CD46: variants seen among roughly 807,000 people sequenced by gnomAD.
CD46 encodes CD46 molecule, also known as membrane cofactor protein.
Under a neutral mutation model 53.3 loss-of-function variants are expected in CD46, and 30 were observed. The ratio of observed to expected loss-of-function variants is 0.56; its 90% confidence interval spans 0.42 to 0.76. The LOEUF is 0.76. CD46 is among the 30% of genes least tolerant of loss of function. CD46 has a pLI of 0.00. For missense variants in CD46, 409 were observed against 463.0 expected (o/e 0.88, Z 1.07); for synonymous variants, 142 against 152.0 (o/e 0.93, Z 0.48).
chr1:207,768,874 A>G (rs1657138020), intron 7 of CD46: 1 of 152,218 alleles, frequency 6.6e-6, no homozygotes, highest in African/African-American at 2.4e-5. Flanking sequence ...TGAAATCTCA[A>G]TCACTGGCTT....
chr1:207,785,212 G>A, intron 10 of CD46, 106 bp downstream of exon 10: 1 of 893,010 alleles, frequency 1.1e-6, no homozygotes, highest in Non-Finnish European at 1.8e-6. Flanking sequence ...CTTGTAAATT[G>A]GTTAAACCGA....
chr1:207,785,556 G>C, intron 10 of CD46, 63 bp from the exon 11 acceptor site: 1 of 1,094,592 alleles, frequency 9.1e-7, no homozygotes, highest in Non-Finnish European at 1.4e-6. Context: ...TCTTCTGCTA[G>C]ATGTTGAATC....
In CD46 at chr1:207,759,565, A is replaced by C; in HGVS notation, c.390-74A>C. ...CTGTAGTGTAGAAAAGAAACCATAT[A>C]AAAAATTCCTTCATTATTATGTGTG... On this transcript the variant is annotated intron_variant, in intron 3 of 12. Transcript: ENST00000367042. 3 of 822,738 alleles carry C rather than the reference A, an allele frequency of 3.6e-6. No homozygotes were observed. The Admixed American group carries it at 6.4e-5, about 17-fold the overall frequency. The allele number at this position is 822,738 out of a possible 1,614,324, so 51.0% of individuals were successfully genotyped here. A position where few individuals can be genotyped will look rare whatever the true frequency, so the allele number is the denominator to read the frequency against.
chr1:207,786,482 A>G (rs909424258), intron 11 of CD46, among the ~76,000 whole-genome samples: 4 of 152,212 alleles, frequency 2.6e-5, no homozygotes, highest in African/African-American at 9.6e-5. Flanking sequence ...TTAACAAAAG[A>G]CTTAGAATGA....
Position 207,770,381 on chromosome 1 carries a change from C to A in CD46, c.943+19C>A, listed in dbSNP as rs1383336315. 2 of 1,507,518 alleles carry A rather than the reference C, an allele frequency of 1.3e-6. No individual in the cohort carries two copies. The highest frequency in any genetic ancestry group is 1.1e-5 in the South Asian group (1 of 88,134). The allele number at this position is 1,507,518 out of a possible 1,614,324, so 93.4% of individuals were successfully genotyped here. On this transcript the variant is annotated intron_variant, in intron 8 of 12. Coordinates refer to ENST00000367042, the MANE Select transcript of CD46 (RefSeq NM_172351.3). ...TATCCAGGTTGGTTAACTCTTTATC[C>A]TACTGATATTGTTAAGAATTTATTT...
chr1:207,781,619 A>G (rs1658742796), intron 8 of CD46, among the ~76,000 whole-genome samples: 1 of 152,136 alleles, frequency 6.6e-6, no homozygotes, highest in Admixed American at 6.6e-5. Context: ...ATAAGGGTCC[A>G]GCTTCACTTT....
At chr1:207,785,555 A>T in intron 10 of CD46, 64 bp from the exon 11 acceptor site, 1 of 1,081,770 alleles carries the variant, frequency 9.2e-7, no homozygotes, top group Non-Finnish European at 1.4e-6. Context: ...TTCTTCTGCT[A>T]GATGTTGAAT....
intron 5 of CD46, among the ~76,000 whole-genome samples, chr1:207,762,396 T>C (rs148990049): frequency 2.8e-4 from 43 of 151,482 alleles, no homozygotes; most frequent in African/African-American, 1.0e-3. Flanking sequence ...CTAGCAGATG[T>C]AAGGAAATGA....
At chr1:207,784,615 T>A (rs1379860626) in intron 9 of CD46, among the ~76,000 whole-genome samples, 1 of 152,172 alleles carries the variant, frequency 6.6e-6, no homozygotes, top group African/African-American at 2.4e-5. Context: ...TCCTCTGTAG[T>A]CTTGTATTAG....
chr1:207,756,367 T>C (rs1462173223), intron 1 of CD46, among the ~76,000 whole-genome samples: 1 of 152,218 alleles, frequency 6.6e-6, no homozygotes, highest in Non-Finnish European at 1.5e-5. Context: ...TTATTACCTG[T>C]CCTTTTAGGG....
chr1:207,753,263 A>G (rs889896222), intron 1 of CD46, among the ~76,000 whole-genome samples: 2 of 152,254 alleles, frequency 1.3e-5, no homozygotes, highest in Non-Finnish European at 2.9e-5. Context: ...TATCCTAACA[A>G]AGGAAGGCAG....
intron 11 of CD46, among the ~76,000 whole-genome samples, chr1:207,789,987 GC>G (rs1290993916): frequency 1.3e-5 from 2 of 151,430 alleles, no homozygotes; most frequent in Non-Finnish European, 2.9e-5. Context: ...ATGCAAAATG[GC>G]TTCAAAGATA....
At chr1:207,764,211 G>A (rs1031546097) in intron 5 of CD46, among the ~76,000 whole-genome samples, 3 of 152,202 alleles carry the variant, frequency 2.0e-5, no homozygotes, top group African/African-American at 7.2e-5. Context: ...CACGGACTGA[G>A]CTCCTGGGGT....
At chr1:207,757,358 C>T (rs1351511139) in intron 2 of CD46, among the ~76,000 whole-genome samples, 156 bp downstream of exon 2, 1 of 152,068 alleles carries the variant, frequency 6.6e-6, no homozygotes, top group Non-Finnish European at 1.5e-5. Context: ...TCAAAATCTC[C>T]AAGAAATCAT....
At chr1:207,777,829 GTAGTTCTGCTTT>G (rs1005591586) in intron 8 of CD46, among the ~76,000 whole-genome samples, 4 of 152,136 alleles carry the variant, frequency 2.6e-5, no homozygotes, top group African/African-American at 9.7e-5. Flanking sequence ...GGGTTGAATG[GTAGTTCTGCTTT>G]TAGGTCTTTG....
intron 9 of CD46, 196 bp downstream of exon 9, chr1:207,783,526 T>A (rs1475669328): frequency 6.4e-6 from 3 of 465,986 alleles, no homozygotes; most frequent in African/African-American, 5.9e-5. Flanking sequence ...GTGATGGTAA[T>A]CTGTCGATAA....
chr1:207,787,283 G>C (rs1480606240), intron 11 of CD46, among the ~76,000 whole-genome samples: 1 of 152,124 alleles, frequency 6.6e-6, no homozygotes, highest in Non-Finnish European at 1.5e-5. Flanking sequence ...TGTTGGTCAG[G>C]CTGGTCTTGA....
Position 207,752,125 on chromosome 1 carries a change from TC to T in CD46, c.-87del. 3.3e-6 allele frequency: 4 copies of T among 1,215,924 alleles called. No individual in the cohort carries two copies. Among genetic ancestry groups the T allele is most frequent in the Non-Finnish European group, 4.8e-6 (4 of 827,024 alleles). 75.3% of individuals were successfully genotyped at this position (1,215,924 alleles called of 1,614,324 possible). ...GAGTTGGGGATTGTTGCGTCCCATA[TC>T]TGGACCCAGAAGGGACTTCCCTGCT... On this transcript the variant is annotated 5_prime_UTR_variant, in exon 1 of 13. It removes the in-frame stop codon of an upstream open reading frame in the 5' UTR. Transcript: ENST00000367042. The surrounding 1 kb of genome is among the most constrained non-coding windows in gnomAD (Gnocchi z 4.1).
intron 1 of CD46, among the ~76,000 whole-genome samples, chr1:207,755,361 C>T (rs1182250241): frequency 3.3e-5 from 5 of 152,052 alleles, no homozygotes; most frequent in Admixed American, 2.6e-4. Context: ...TGAGAAGTCA[C>T]GATGCTAGGC....
Sources: gnomAD v4.1 joint callset for allele counts (sites outside exome capture counted in the v4.1 genomes callset) on GRCh38, gnomAD v4.1.1 for gene constraint, Gnocchi (gnomAD v3.1) non-coding constraint, MANE v1.5 for transcripts, NCBI Gene and HGNC (gene_info 2026-07-23, HGNC 2026-07-21) for gene names.